The following PRKN variants were observed in gnomAD, a reference collection of about 807,000 sequenced individuals.
PRKN encodes the protein parkin RBR E3 ubiquitin protein ligase.
Under a neutral mutation model 59.5 loss-of-function variants are expected in PRKN, and 56 were observed. That is an observed-to-expected ratio of 0.94 (90% CI 0.76 to 1.18). The LOEUF is 1.18. Ranked by LOEUF, PRKN falls within the 50% of genes most tolerant of loss-of-function variation. The pLI is 0.00. For missense variants in PRKN, 657 were observed against 596.4 expected (o/e 1.10, Z -1.06); for synonymous variants, 250 against 222.1 (o/e 1.13, Z -1.12).
chr6:161,653,710 T>A (rs1261309988), intron 7 of PRKN, among the ~76,000 whole-genome samples: 4 of 152,210 alleles, frequency 2.6e-5, no homozygotes, highest in Non-Finnish European at 5.9e-5. Flanking sequence ...ATTTGGTGAT[T>A]AAGGTCTGAT....
At chr6:162,270,027 C>T (rs1780305905) in intron 2 of PRKN, 1 of 152,130 alleles carries the variant, frequency 6.6e-6, no homozygotes, top group Non-Finnish European at 1.5e-5. Flanking sequence ...TGGGTATCTA[C>T]CCAGAGGAAA....
At chr6:162,561,901 T>G (rs1046646079) in intron 1 of PRKN, among the ~76,000 whole-genome samples, 1 of 152,108 alleles carries the variant, frequency 6.6e-6, no homozygotes, top group African/African-American at 2.4e-5. Flanking sequence ...AGTGCTGAAC[T>G]AGGCCCAGAG....
At chr6:161,949,530 A>C (rs1468596826) in intron 6 of PRKN, among the ~76,000 whole-genome samples, 1 of 151,896 alleles carries the variant, frequency 6.6e-6, no homozygotes, top group Non-Finnish European at 1.5e-5. Context: ...CAAACAAACA[A>C]ACACTCCAAT....
rs1779036074 is a variant in PRKN at position 161,526,883 on chromosome 6, T to C, written c.1083+21971A>G. On this transcript the variant is annotated intron_variant, in intron 9 of 11. Transcript: ENST00000366898. The surrounding 1 kb of genome is among the most constrained non-coding windows in gnomAD (Gnocchi z 4.1). ...AAGGGGTAGGTAATTGGAGTTTATA[T>C]AGAATCCCTGGGCTACAGAAAGGAA... 6.6e-6 allele frequency among the ~76,000 whole-genome samples: 1 copy of C among 152,312 alleles called. No homozygotes were observed. Among genetic ancestry groups the C allele is most frequent in the African/African-American group, 2.4e-5 (1 of 41,570 alleles).
At chr6:162,725,891 C>G (rs1779149038) in intron 1 of PRKN, among the ~76,000 whole-genome samples, 1 of 152,102 alleles carries the variant, frequency 6.6e-6, no homozygotes, top group South Asian at 2.1e-4. Flanking sequence ...GGAAAGCAGG[C>G]ATGGATTTAA....
intron 1 of PRKN, among the ~76,000 whole-genome samples, chr6:162,470,338 C>T (rs58229574): frequency 0.29 from 44,833 of 152,052 alleles, 6,856 homozygotes; most frequent in East Asian, 0.44. Context: ...CAGCAGCTAA[C>T]TTAGGCAAAG....
At chr6:162,147,544 C>T (rs1266382286) in intron 4 of PRKN, among the ~76,000 whole-genome samples, 2 of 152,012 alleles carry the variant, frequency 1.3e-5, no homozygotes, top group South Asian at 2.1e-4. Context: ...GCAGATCCAG[C>T]CTAGTGAGTT....
intron 9 of PRKN, among the ~76,000 whole-genome samples, chr6:161,540,371 G>A (rs1779574581): frequency 1.3e-5 from 2 of 151,756 alleles, no homozygotes; most frequent in Non-Finnish European, 2.9e-5. Context: ...AAGCATACAC[G>A]ATCACAAAAT....
intron 7 of PRKN, among the ~76,000 whole-genome samples, chr6:161,619,966 T>G (rs947275654): frequency 6.7e-6 from 1 of 149,850 alleles, no homozygotes; most frequent in Non-Finnish European, 1.5e-5. Context: ...AATTGTATAA[T>G]TGGTACACAT....
chr6:161,880,602 AG>A (rs565717562), intron 6 of PRKN, among the ~76,000 whole-genome samples: 38 of 152,248 alleles, frequency 2.5e-4, no homozygotes, highest in Non-Finnish European at 4.9e-4. Flanking sequence ...CCGGCCCACG[AG>A]GTGGGGTGGG....
rs189380080 is a variant in PRKN at position 162,653,956 on chromosome 6, G to T, written c.7+73706C>A. ...GGCAGAAACAAAAACTGCTTTCTTT[G>T]TTCAACAAGTACCTACTCACTGGCA... On this transcript the variant is annotated intron_variant, in intron 1 of 11. Transcript: ENST00000366898. 3.4e-4 allele frequency among the ~76,000 whole-genome samples: 52 copies of T among 152,214 alleles called. 1 individual carries two copies. Among genetic ancestry groups the T allele is most frequent in the Admixed American group, 3.3e-3 (51 of 15,278 alleles).
intron 4 of PRKN, among the ~76,000 whole-genome samples, chr6:162,161,661 G>C (rs140400507): frequency 2.0e-5 from 3 of 152,126 alleles, no homozygotes; most frequent in South Asian, 4.2e-4. Context: ...ACATGCTCAC[G>C]GCTGGATGAT....
At chr6:161,612,432 T>C (rs1254796880) in intron 7 of PRKN, among the ~76,000 whole-genome samples, 1 of 152,094 alleles carries the variant, frequency 6.6e-6, no homozygotes, top group East Asian at 1.9e-4. Context: ...AAGAATTATG[T>C]GATATCAGCC....
intron 7 of PRKN, among the ~76,000 whole-genome samples, chr6:161,623,947 A>G (rs1254651437): frequency 1.3e-5 from 2 of 152,220 alleles, no homozygotes; most frequent in Non-Finnish European, 2.9e-5. Flanking sequence ...CTAAAGGGTC[A>G]TCTAATATTT....
Position 161,533,245 on chromosome 6 carries a change from C to G in PRKN, c.1083+15609G>C, listed in dbSNP as rs922819038. Reference sequence around the variant, plus strand: ...AATTCTTAAAATAATTTCTGAAAAACTAGTGATACAGGAGTTGTAAAGAAA... The same window carrying G: ...AATTCTTAAAATAATTTCTGAAAAAGTAGTGATACAGGAGTTGTAAAGAAA... On this transcript the variant is annotated intron_variant, in intron 9 of 11. Coordinates refer to ENST00000366898, the MANE Select transcript of PRKN (RefSeq NM_004562.3). This position sits in a 1 kb window ranked among gnomAD's most constrained non-coding sequence, Gnocchi z 4.1. Among the ~76,000 whole-genome samples the G allele has an allele frequency of 2.0e-5, 3 of 152,108 alleles. No individual in the cohort carries two copies. The highest frequency in any genetic ancestry group is 6.5e-5 in the Admixed American group (1 of 15,278).
intron 1 of PRKN, among the ~76,000 whole-genome samples, chr6:162,537,110 G>A (rs894913521): frequency 4.6e-5 from 7 of 152,166 alleles, no homozygotes; most frequent in Non-Finnish European, 8.8e-5. Context: ...CCTGAACTAG[G>A]TACAGAGAAG....
intron 3 of PRKN, among the ~76,000 whole-genome samples, chr6:162,236,898 GGGAAGGAA>G (rs374375748): frequency 1.3e-5 from 2 of 150,464 alleles, no homozygotes; most frequent in African/African-American, 4.9e-5. Flanking sequence ...GAGAGAAGGA[GGGAAGGAA>G]GGAAGGAAGG....
chr6:161,854,133 T>A (rs2128223079), intron 6 of PRKN, among the ~76,000 whole-genome samples: 1 of 149,416 alleles, frequency 6.7e-6, no homozygotes, highest in African/African-American at 2.5e-5. Context: ...CAGGCACCTG[T>A]AATCCCAGCT....
chr6:162,249,861 G>A (rs1341095495), intron 3 of PRKN, among the ~76,000 whole-genome samples: 1 of 151,476 alleles, frequency 6.6e-6, no homozygotes. Context: ...CGAAACCTTT[G>A]TGGGCTAGGT....
Sources: allele counts gnomAD v4.1 joint callset (sites outside exome capture counted in the v4.1 genomes callset), GRCh38; gene constraint gnomAD v4.1.1; non-coding constraint Gnocchi (gnomAD v3.1); transcripts MANE v1.5; gene names NCBI Gene and HGNC (gene_info 2026-07-23, HGNC 2026-07-21).